Variants in ALPK2 observed in about 807,000 individuals in gnomAD.
The protein encoded by ALPK2 is alpha-protein kinase 2.
Under a neutral mutation model 163.1 loss-of-function variants are expected in ALPK2, and 127 were observed. The observed-to-expected ratio is 0.78, with a 90% CI of 0.67 to 0.90. ALPK2 has a LOEUF of 0.90. ALPK2 is among the 40% of genes least tolerant of loss of function. The pLI is 0.00. For missense variants in ALPK2, 2,360 were observed against 2,589.6 expected (o/e 0.91, Z 1.92); for synonymous variants, 953 against 959.1 (o/e 0.99, Z 0.12).
At chr18:58,570,078 C>T in intron 4 of ALPK2, among the ~76,000 whole-genome samples, 1 of 149,188 alleles carries the variant, frequency 6.7e-6, no homozygotes, top group Non-Finnish European at 1.5e-5. Context: ...TGCAGTGAGC[C>T]GAGATTGCGC....
chr18:58,524,661 A>G (rs1001788994), intron 6 of ALPK2, among the ~76,000 whole-genome samples: 1 of 152,204 alleles, frequency 6.6e-6, no homozygotes, highest in Non-Finnish European at 1.5e-5. Context: ...TGATGATGCC[A>G]ATAGCTAATG....
intron 1 of ALPK2, among the ~76,000 whole-genome samples, chr18:58,614,700 A>T (rs1367741581): frequency 6.6e-6 from 1 of 151,650 alleles, no homozygotes; most frequent in Admixed American, 6.6e-5. Flanking sequence ...TGGGGACTAG[A>T]GGCTTGAGCC....
At chr18:58,497,962 T>G in intron 12 of ALPK2, 87 bp downstream of exon 12, 2 of 1,207,656 alleles carry the variant, frequency 1.7e-6, no homozygotes, top group Admixed American at 1.7e-5. Flanking sequence ...GAAATTCACT[T>G]TGCCCACCTC....
At chr18:58,529,296 T>G in intron 5 of ALPK2, 58 bp from the exon 6 acceptor site, 1 of 1,473,446 alleles carries the variant, frequency 6.8e-7, no homozygotes, top group Non-Finnish European at 9.3e-7. Context: ...TTCATACCAT[T>G]TAATTCTCAT....
intron 6 of ALPK2, among the ~76,000 whole-genome samples, chr18:58,526,513 G>A (rs2051585863): frequency 6.6e-6 from 1 of 152,156 alleles, no homozygotes; most frequent in African/African-American, 2.4e-5. Context: ...TATCAGTAGG[G>A]CCGCTCTACG....
Position 58,536,929 on chromosome 18 carries a change from G to T in ALPK2, c.3258C>A (p.Val1086=). 6.2e-7 allele frequency: 1 copy of T among 1,614,206 alleles called. No homozygotes were observed. Among genetic ancestry groups the T allele is most frequent in the Non-Finnish European group, 8.5e-7 (1 of 1,180,032 alleles). The change falls in exon 5 of 13, where the codon GTC becomes GTA. Residue 1086 remains valine (V), a synonymous_variant. Transcript: ENST00000361673. ...AACCCTCTCCCTCTGGGAGCTGCAGGACATGGTGTGGGACTCCTGGCACAC... is the reference window on the plus strand; with the variant it reads ...AACCCTCTCCCTCTGGGAGCTGCAGTACATGGTGTGGGACTCCTGGCACAC... The part of the protein sequence containing the change: ...APSVPGVPHH[V]LQLPEGEGFC...
At chr18:58,586,013 C>T (rs1056719188) in intron 3 of ALPK2, among the ~76,000 whole-genome samples, 5 of 152,138 alleles carry the variant, frequency 3.3e-5, no homozygotes, top group African/African-American at 1.2e-4. Flanking sequence ...CATCTTTTAC[C>T]CATGCATGAT....
At chr18:58,607,997 C>T (rs2052107588) in intron 2 of ALPK2, among the ~76,000 whole-genome samples, 1 of 152,182 alleles carries the variant, frequency 6.6e-6, no homozygotes, top group Non-Finnish European at 1.5e-5. Flanking sequence ...AGCAGTTTTA[C>T]CCCAACATTC....
chr18:58,550,963 T>C (rs1259751078), intron 4 of ALPK2, among the ~76,000 whole-genome samples: 2 of 149,470 alleles, frequency 1.3e-5, no homozygotes, highest in Non-Finnish European at 3.0e-5. Flanking sequence ...CTCCATCACA[T>C]ACAACCCCAT....
At chr18:58,496,890 GTC>G (rs921266651) in intron 12 of ALPK2, among the ~76,000 whole-genome samples, 6 of 152,146 alleles carry the variant, frequency 3.9e-5, no homozygotes, top group Non-Finnish European at 8.8e-5. Context: ...CCCCTCTGTG[GTC>G]TCTCATACTG....
At chr18:58,623,135 T>C (rs1342771211) in intron 1 of ALPK2, among the ~76,000 whole-genome samples, 1 of 151,514 alleles carries the variant, frequency 6.6e-6, no homozygotes, top group African/African-American at 2.5e-5. Context: ...AGGAGAGTGG[T>C]AGTCTGATCT....
chr18:58,518,312 G>A (rs949359910), intron 8 of ALPK2, among the ~76,000 whole-genome samples: 8 of 152,128 alleles, frequency 5.3e-5, no homozygotes, highest in African/African-American at 1.4e-4. Flanking sequence ...TATTCTGATC[G>A]GGTATTGATT....
chr18:58,621,709 G>T (rs574722339), intron 1 of ALPK2, among the ~76,000 whole-genome samples: 4 of 152,278 alleles, frequency 2.6e-5, no homozygotes, highest in East Asian at 3.9e-4. Context: ...GCCTAAGTGT[G>T]GGGGGTGGAA....
intron 3 of ALPK2, among the ~76,000 whole-genome samples, chr18:58,605,244 A>G (rs1216092563): frequency 6.6e-6 from 1 of 151,982 alleles, no homozygotes; most frequent in Non-Finnish European, 1.5e-5. Context: ...CAACTATGCT[A>G]TTTTTTTTAA....
intron 1 of ALPK2, among the ~76,000 whole-genome samples, chr18:58,621,299 G>C (rs2052197560): frequency 6.6e-6 from 1 of 150,504 alleles, no homozygotes; most frequent in South Asian, 2.1e-4. Context: ...TTTTGAGGCG[G>C]AGTCTCGCTC....
intron 2 of ALPK2, 82 bp downstream of exon 2, chr18:58,611,607 T>G: frequency 2.4e-6 from 3 of 1,243,248 alleles, no homozygotes; most frequent in Non-Finnish European, 3.4e-6. Flanking sequence ...CCAAATGATG[T>G]TTTAGTAATG....
intron 10 of ALPK2, among the ~76,000 whole-genome samples, chr18:58,514,630 G>T (rs1020159109): frequency 6.6e-6 from 1 of 151,944 alleles, no homozygotes; most frequent in Non-Finnish European, 1.5e-5. Flanking sequence ...GATATCTCTT[G>T]TTCTGTTCTA....
chr18:58,621,462 A>G (rs541682876), intron 1 of ALPK2, among the ~76,000 whole-genome samples: 44 of 152,128 alleles, frequency 2.9e-4, no homozygotes, highest in South Asian at 4.2e-4. Flanking sequence ...TAGTAGAGAC[A>G]GGGTTTCACT....
rs560615847 is a variant in ALPK2, at chr18:58,485,669, C to T, written c.6297-3630G>A. ...ACATCTCTATCTTCCTCTGCAGGAG[C>T]TCCCTGAAAGGCTGAAATGTCAGCT... On this transcript the variant is annotated intron_variant, in intron 12 of 12. Coordinates refer to ENST00000361673, the MANE Select transcript of ALPK2 (RefSeq NM_052947.4). Among the ~76,000 whole-genome samples, 49 of 152,372 alleles carry T rather than the reference C, an allele frequency of 3.2e-4. 1 individual carries two copies. Among genetic ancestry groups the T allele is most frequent in the Admixed American group, 5.9e-4 (9 of 15,312 alleles).
Sources: allele counts gnomAD v4.1 joint callset (sites outside exome capture counted in the v4.1 genomes callset), GRCh38; gene constraint gnomAD v4.1.1; transcripts MANE v1.5; gene names NCBI Gene and HGNC (gene_info 2026-07-23, HGNC 2026-07-21).